Variants in MMP17 observed in about 807,000 individuals in gnomAD.
MMP17 encodes matrix metallopeptidase 17.
In MMP17, 54 loss-of-function variants were observed where a neutral mutation model predicts 49.1. The ratio of observed to expected loss-of-function variants is 1.10; its 90% CI spans 0.88 to 1.38. The LOEUF (loss-of-function observed/expected upper bound fraction) is 1.38. MMP17 is among the 40% of genes most tolerant of loss of function. The pLI is 0.00. For synonymous variants in MMP17, 397 were observed against 383.1 expected, an observed-to-expected ratio of 1.04 and a Z score of -0.42; for missense variants, 837 against 853.7, an observed-to-expected ratio of 0.98 and a Z score of 0.24.
chr12:131,839,215 C>G (rs929839138), intron 3 of MMP17, among the ~76,000 whole-genome samples: 1 of 152,284 alleles, frequency 6.6e-6, no homozygotes, highest in Middle Eastern at 3.4e-3. Context: ...CCGCGCGCAG[C>G]CTCCTCTCCC....
At chr12:131,838,498 G>A in intron 2 of MMP17, 114 bp from the exon 3 acceptor site, 1 of 1,468,962 alleles carries the variant, frequency 6.8e-7, no homozygotes. Flanking sequence ...CGTGGGAGGA[G>A]GGGGCGGCTC....
Position 131,845,134 on chromosome 12 carries a change from C to A in MMP17, c.985C>A (p.Pro329Thr), listed in dbSNP as rs376286909. Residue 329 changes from proline (P) to threonine (T), a missense_variant, in exon 7 of 10, where the codon CCC (proline) becomes ACC (threonine). Transcript: ENST00000360564. Reference protein sequence around the residue: ...RSSAPPRKDVPHRCSTHFDAV... With the variant: ...RSSAPPRKDVTHRCSTHFDAV... ...TCCCTGCAGGCCCAGGAAGGACGTG[C>A]CCCACAGATGCAGCACTCACTTTGA... is the stretch of plus-strand genomic sequence containing the variant. 14 of 1,604,176 alleles carry A rather than the reference C, an allele frequency of 8.7e-6. No individual in the cohort carries two copies. The highest frequency in any genetic ancestry group is 1.2e-5 in the Non-Finnish European group (14 of 1,177,462).
In MMP17 at chr12:131,849,955, G is replaced by C. The variant is rs762447358; in HGVS notation, c.1358G>C (p.Arg453Pro). ...TTCTTTAAGGACCAGCTGTACTGGC[G>C]CTACGATGACCACACGAGGCACATG... is the stretch of plus-strand genomic sequence containing the variant. ...TYFFKDQLYW[R>P]YDDHTRHMDP... is the part of the protein sequence containing the mutation. The change falls in exon 9 of 10, where the codon CGC becomes CCC. Residue 453 changes from arginine (R) to proline (P), a missense_variant. Physicochemically the swap from Arg to Pro is moderately radical, Grantham distance 103. Transcript: ENST00000360564. The C allele has an allele frequency of 1.4e-5, 23 of 1,613,992 alleles. No individual in the cohort carries two copies. In the South Asian group the frequency reaches 1.9e-4, roughly 13 times the overall value.
intron 7 of MMP17, 29 bp downstream of exon 7, chr12:131,845,229 C>T (rs1413151430): frequency 6.2e-7 from 1 of 1,613,992 alleles, no homozygotes; most frequent in Non-Finnish European, 8.5e-7. Context: ...TGGCGGTTGG[C>T]TGAGGGCCAT....
chr12:131,841,082 C>T (rs1428210169), intron 4 of MMP17, among the ~76,000 whole-genome samples: 1 of 152,238 alleles, frequency 6.6e-6, no homozygotes, highest in African/African-American at 2.4e-5. Flanking sequence ...CTGGCTGAGC[C>T]GAGCTTGTCC....
At chr12:131,834,022 C>G (rs560244577) in intron 1 of MMP17, among the ~76,000 whole-genome samples, 2 of 152,246 alleles carry the variant, frequency 1.3e-5, no homozygotes, top group Non-Finnish European at 2.9e-5. Flanking sequence ...CATGGCTGAA[C>G]GGTGAATCCA....
Position 131,845,307 on chromosome 12 carries a change from C to G in MMP17, c.1062C>G (p.Phe354Leu), listed in dbSNP as rs1339182623. 1.2e-6 allele frequency: 2 copies of G among 1,607,954 alleles called. No homozygotes were observed. Among genetic ancestry groups the G allele is most frequent in the Non-Finnish European group, 1.7e-6 (2 of 1,175,868 alleles). The part of the protein sequence containing the change: ...GEAFFFKGKY[F>L]WRLTRDRHLV... ...CCTCTGTGCCCCCAGGCAAGTACTT[C>G]TGGCGGCTGACGCGGGACCGGCACC... The change falls in exon 8 of 10, where the codon TTC becomes TTG. Residue 354 changes from phenylalanine (F) to leucine (L), a missense_variant. Coordinates refer to ENST00000360564, the MANE Select transcript of MMP17 (RefSeq NM_016155.7).
At chr12:131,850,149 A>C in intron 9 of MMP17, 90 bp downstream of exon 9, 1 of 1,453,180 alleles carries the variant, frequency 6.9e-7, no homozygotes, top group Admixed American at 2.5e-5. Flanking sequence ...AGGTTCCCTG[A>C]AAGGAGGACG....
At position 131,841,753 on chromosome 12, in the gene MMP17, G is replaced by A. The variant is rs35466884; in HGVS notation, c.836G>A (p.Arg279His). 291,244 of 1,611,842 alleles carry A rather than the reference G, an allele frequency of 0.18. 28,883 individuals carry two copies. The highest frequency in any genetic ancestry group is 0.33 in the South Asian group (29,852 of 90,936). ...YYQGPVGDPLRYGLPYEDKVR... is the reference protein window; with the variant it reads ...YYQGPVGDPLHYGLPYEDKVR... ...CAGGGCCCGGTGGGTGACCCGCTGC[G>A]CTACGGGCTCCCCTACGAGGACAAG... The change falls in exon 5 of 10, where the codon CGC (arginine) becomes CAC (histidine). Residue 279 changes from arginine (R) to histidine (H), a missense_variant. Physicochemically the swap from Arg to His is conservative, Grantham distance 29 (BLOSUM62 0). Transcript: ENST00000360564.
chr12:131,847,392 G>A lies in MMP17; in HGVS notation c.1204+1943G>A, dbSNP rs1414724001. ...CACACCACTGGACTCCAGCCTGGGTGACAGAGCGAGACTCCGTCTCAAAAA... is the reference window on the plus strand; with the variant it reads ...CACACCACTGGACTCCAGCCTGGGTAACAGAGCGAGACTCCGTCTCAAAAA... On this transcript the variant is annotated intron_variant, in intron 8 of 9. Coordinates refer to ENST00000360564, the MANE Select transcript of MMP17 (RefSeq NM_016155.7). Among the ~76,000 whole-genome samples the A allele has an allele frequency of 2.8e-5, 4 of 144,908 alleles. No homozygotes were observed. The East Asian group carries it at 8.1e-4, about 29-fold the overall frequency.
chr12:131,850,860 CTGT>C (rs1887935880), intron 9 of MMP17, 62 bp from the exon 10 acceptor site: 1 of 1,278,492 alleles, frequency 7.8e-7, no homozygotes, highest in Non-Finnish European at 1.0e-6. Flanking sequence ...TCCCTCCTCG[CTGT>C]CCGGCTCGAG....
chr12:131,839,876 AG>A (rs34609126), intron 3 of MMP17: 81,327 of 151,890 alleles, frequency 0.54, 21,753 homozygotes, highest in South Asian at 0.62. Context: ...TGAACCTGGG[AG>A]GCGGAGGCTG....
chr12:131,835,051 C>T (rs987078365), intron 1 of MMP17, among the ~76,000 whole-genome samples: 2 of 152,194 alleles, frequency 1.3e-5, no homozygotes, highest in African/African-American at 2.4e-5. Flanking sequence ...AAGGCTTGTT[C>T]TGTTGGGGTG....
At chr12:131,840,526 C>G (rs199918543) in intron 3 of MMP17, 47 bp from the exon 4 acceptor site, 5 of 1,528,226 alleles carry the variant, frequency 3.3e-6, no homozygotes, top group Non-Finnish European at 4.4e-6. Flanking sequence ...GCCTGGGGCA[C>G]GTGGCCTGTT....
At chr12:131,839,521 T>TG (rs899479914) in intron 3 of MMP17, among the ~76,000 whole-genome samples, 16 of 151,998 alleles carry the variant, frequency 1.1e-4, no homozygotes, top group African/African-American at 3.1e-4. Context: ...TCACCCAGGC[T>TG]GGGGGGCGGT....
chr12:131,845,438 T>A lies in MMP17; in HGVS notation c.1193T>A (p.Val398Asp). The A allele has an allele frequency of 6.4e-7, 1 of 1,569,670 alleles. No individual in the cohort carries two copies. The highest frequency in any genetic ancestry group is 1.7e-4 in the Middle Eastern group (1 of 5,860). Residue 398 changes from valine to aspartate, a missense_variant, in exon 8 of 10, where the codon GTC becomes GAC. Transcript: ENST00000360564. ...VYERTSDHKI[V>D]FFKGDRYWVF... ...GAGCGCACCAGCGACCACAAGATCG[T>A]CTTCTTTAAAGGTGGGTGGGCCTCC... is the stretch of plus-strand genomic sequence containing the variant.
chr12:131,829,881 C>T (rs951013411), intron 1 of MMP17, among the ~76,000 whole-genome samples: 3 of 152,224 alleles, frequency 2.0e-5, no homozygotes, highest in African/African-American at 7.2e-5. Flanking sequence ...CCCTGCTGCC[C>T]GCGTCCAGGT....
Position 131,840,307 on chromosome 12 carries a change from G to A in MMP17, c.423-266G>A. 6.8e-6 allele frequency: 3 copies of A among 443,342 alleles called. 1 individual carries two copies. 27.5% of individuals were successfully genotyped at this position (443,342 alleles called of 1,614,324 possible). ...ACCGTTGAGGGCCCTGGGGCTGATG[G>A]CTCCACGCGGGAGCTGACGTTTGCC... On this transcript the variant is annotated intron_variant, in intron 3 of 9. Transcript: ENST00000360564.
chr12:131,831,580 T>A (rs1285189248), intron 1 of MMP17, among the ~76,000 whole-genome samples: 4 of 151,624 alleles, frequency 2.6e-5, no homozygotes, highest in African/African-American at 9.7e-5. Context: ...GGCAGGAGGG[T>A]TAGACCATGG....
Sources: gnomAD v4.1 joint callset for allele counts (sites outside exome capture counted in the v4.1 genomes callset) on GRCh38, gnomAD v4.1.1 for gene constraint, MANE v1.5 for transcripts, NCBI Gene and HGNC (gene_info 2026-07-23, HGNC 2026-07-21) for gene names.